The following ATR variants were observed in gnomAD, a reference collection of about 807,000 sequenced individuals.
ATR encodes the protein serine/threonine-protein kinase ATR.
ATR carries 142 observed loss-of-function variants against 305.3 expected under a neutral mutation model. The observed-to-expected ratio is 0.47, with a 90% confidence interval of 0.41 to 0.53. The LOEUF (loss-of-function observed/expected upper bound fraction) is 0.53. ATR is among the 20% of genes least tolerant of loss of function. The probability of loss-of-function intolerance (pLI) is 0.00; values close to 1 mark genes in which losing one functional copy is unlikely to be tolerated. For synonymous variants in ATR, 1,050 were observed against 1,068.1 expected, an observed-to-expected ratio of 0.98 and a Z score of 0.33; for missense variants, 2,135 against 3,133.1, an observed-to-expected ratio of 0.68 and a Z score of 7.60.
At position 142,556,026 on chromosome 3, in the gene ATR, G is replaced by C. The variant is rs2108471190; in HGVS notation, c.2192C>G (p.Pro731Arg). 2 of 1,614,012 alleles carry C rather than the reference G, an allele frequency of 1.2e-6. No individual in the cohort carries two copies. Among genetic ancestry groups the C allele is most frequent in the Non-Finnish European group, 1.7e-6 (2 of 1,179,982 alleles). ...MFYLTSSLTEPFSEHGHVDLF... is the reference protein window; with the variant it reads ...MFYLTSSLTERFSEHGHVDLF... ...GTCCACATGTCCGTGTTCAGAGAAA[G>C]GTTCTGTTAAAGAACTTGTCAGATA... The change falls in exon 10 of 47, where the codon CCT (proline) becomes CGT (arginine). Residue 731 changes from proline (P) to arginine (R), a missense_variant. Physicochemically the swap from Pro to Arg is moderately radical, Grantham distance 103 (BLOSUM62 -2). This residue lies in a region of ATR where 744 missense variants were observed against 873.2 expected (regional missense o/e 0.85). Coordinates refer to ENST00000350721, the MANE Select transcript of ATR (RefSeq NM_001184.4).
intron 35 of ATR, among the ~76,000 whole-genome samples, chr3:142,489,864 C>A (rs1039095697): frequency 6.6e-6 from 1 of 152,190 alleles, no homozygotes; most frequent in Non-Finnish European, 1.5e-5. Flanking sequence ...ATAGTCCCCA[C>A]CAGGTGCATT....
In ATR at chr3:142,578,726, T is replaced by C. The variant is rs764531436; in HGVS notation, c.-22A>G. The C allele has an allele frequency of 6.2e-7, 1 of 1,610,394 alleles. No individual in the cohort carries two copies. The highest frequency in any genetic ancestry group is 2.2e-5 in the East Asian group (1 of 44,836). On this transcript the variant is annotated 5_prime_UTR_variant, in exon 1 of 47. Coordinates refer to ENST00000350721, the MANE Select transcript of ATR (RefSeq NM_001184.4). ...CCATGCTGAGGCTGCGAGGCACTAG[T>C]CAACCACGCCAACGCGGGTTCCCGG...
At chr3:142,511,245 T>C (rs986357061) in intron 27 of ATR, among the ~76,000 whole-genome samples, 1 of 151,970 alleles carries the variant, frequency 6.6e-6, no homozygotes, top group Admixed American at 6.6e-5. Flanking sequence ...ATATAATATG[T>C]TAACAGGGAG....
intron 46 of ATR, chr3:142,450,616 G>C (rs1213041238): frequency 6.2e-7 from 1 of 1,607,686 alleles, no homozygotes; most frequent in Non-Finnish European, 8.5e-7. Context: ...AGGAAAAGGT[G>C]GATATGGAAG....
At chr3:142,507,563 G>A (rs1422087476) in intron 28 of ATR, among the ~76,000 whole-genome samples, 2 of 152,064 alleles carry the variant, frequency 1.3e-5, no homozygotes, top group Admixed American at 6.6e-5. Flanking sequence ...TTCCAAAACC[G>A]ACACTTTACT....
chr3:142,534,379 C>T (rs2033774872), intron 21 of ATR, among the ~76,000 whole-genome samples: 1 of 152,070 alleles, frequency 6.6e-6, no homozygotes, highest in South Asian at 2.1e-4. Flanking sequence ...TCATTACCAT[C>T]ACGTATATCT....
chr3:142,543,110 A>C (rs898005164), intron 16 of ATR, among the ~76,000 whole-genome samples: 2 of 152,316 alleles, frequency 1.3e-5, no homozygotes, highest in African/African-American at 2.4e-5. Flanking sequence ...GAAAGAAAAG[A>C]ATAGAGAAAG....
At chr3:142,469,668 T>TA in intron 37 of ATR, 99 bp from the exon 38 acceptor site, 1 of 1,015,270 alleles carries the variant, frequency 9.8e-7, no homozygotes, top group African/African-American at 1.6e-5. Flanking sequence ...AAAATAGCTT[T>TA]AAAGTATGTT....
At chr3:142,510,669 T>C (rs1162676322) in intron 27 of ATR, among the ~76,000 whole-genome samples, 1 of 152,126 alleles carries the variant, frequency 6.6e-6, no homozygotes, top group East Asian at 1.9e-4. Context: ...CTGAGAATTA[T>C]GGAAGTGAAG....
rs1559910993 is a variant in ATR, at chr3:142,466,403, A to ATGG, written c.6817_6818insCCA (p.Ser2272_Ile2273insThr). The ATGG allele has an allele frequency of 6.2e-7, 1 of 1,614,016 alleles. No homozygotes were observed. The highest frequency in any genetic ancestry group is 2.2e-5 in the East Asian group (1 of 44,848). ...AGCATGGTTAGCATGGGTACCCAGA[A>ATGG]TTGATGGAAGTGTAGGTATCATGAC... On this transcript the variant is annotated inframe_insertion, in exon 40 of 47. Transcript: ENST00000350721.
intron 24 of ATR, among the ~76,000 whole-genome samples, chr3:142,516,120 C>T (rs2032849343): frequency 6.6e-6 from 1 of 152,162 alleles, no homozygotes; most frequent in African/African-American, 2.4e-5. Context: ...TATTCCAGCA[C>T]ACCCATTCTC....
At chr3:142,554,693 G>A (rs1316861659) in intron 10 of ATR, among the ~76,000 whole-genome samples, 1 of 152,122 alleles carries the variant, frequency 6.6e-6, no homozygotes, top group Non-Finnish European at 1.5e-5. Context: ...AGGCCAAGGT[G>A]GGAGGATCAC....
chr3:142,538,362 T>C, intron 19 of ATR, 120 bp downstream of exon 19: 1 of 1,104,402 alleles, frequency 9.1e-7, no homozygotes, highest in Non-Finnish European at 1.3e-6. Flanking sequence ...ATTACTTTTG[T>C]TTATTGATAA....
In ATR at chr3:142,512,852, C is replaced by CA. The variant is rs531235593; in HGVS notation, c.4642-383dup. On this transcript the variant is annotated intron_variant, in intron 26 of 46. Transcript: ENST00000350721. Reference sequence around the variant, plus strand: ...TGGGCAACAAAGGGAGGCTCTGTCTCAAAAAAAGAAAAGGAAAACACAATT... The same window carrying CA: ...TGGGCAACAAAGGGAGGCTCTGTCTCAAAAAAAAGAAAAGGAAAACACAATT... Among the ~76,000 whole-genome samples the CA allele has an allele frequency of 2.6e-3, 396 of 151,772 alleles. 2 individuals carry two copies. The highest frequency in any genetic ancestry group is 6.0e-3 in the Admixed American group (91 of 15,264).
intron 41 of ATR, among the ~76,000 whole-genome samples, chr3:142,462,319 T>C (rs1387284892): frequency 6.6e-6 from 1 of 152,198 alleles, no homozygotes; most frequent in African/African-American, 2.4e-5. Flanking sequence ...TCCTTCTTTT[T>C]AATTATTCAC....
chr3:142,486,662 TAA>T (rs1378295993), intron 35 of ATR, among the ~76,000 whole-genome samples: 1 of 152,152 alleles, frequency 6.6e-6, no homozygotes, highest in African/African-American at 2.4e-5. Context: ...TTAAGATTTT[TAA>T]GTTTTATTTT....
rs763734239 is a variant in ATR, at chr3:142,541,033, G to GC, written c.3451dup (p.Ala1151GlyfsTer37). The GC allele has an allele frequency of 6.2e-7, 1 of 1,613,450 alleles. No individual in the cohort carries two copies. Among genetic ancestry groups the GC allele is most frequent in the South Asian group, 1.1e-5 (1 of 91,062 alleles). On this transcript the variant is annotated frameshift_variant and splice_region_variant, in exon 18 of 47. Transcript: ENST00000350721. LOFTEE classifies it high-confidence loss of function. ...CATCAAAGACATCAAACTGTTCAAG[G>GC]CCTATAGAGTTAAGTAGTGCTTCAG... is the stretch of plus-strand genomic sequence containing the variant.
intron 28 of ATR, among the ~76,000 whole-genome samples, chr3:142,507,035 T>C (rs2032283560): frequency 6.6e-6 from 1 of 152,180 alleles, no homozygotes; most frequent in Non-Finnish European, 1.5e-5. Context: ...AGACAAGAAG[T>C]TGAGCATCAC....
chr3:142,531,542 G>A (rs1316210024), intron 21 of ATR, among the ~76,000 whole-genome samples: 1 of 152,052 alleles, frequency 6.6e-6, no homozygotes, highest in East Asian at 1.9e-4. Flanking sequence ...TGCTGAGAAT[G>A]ATGGTTTCCA....
Sources: gnomAD v4.1 joint callset for allele counts (sites outside exome capture counted in the v4.1 genomes callset) on GRCh38, gnomAD v4.1.1 for gene constraint, gnomAD v4.1.1 regional missense constraint, MANE v1.5 for transcripts, NCBI Gene and HGNC (gene_info 2026-07-23, HGNC 2026-07-21) for gene names.